GUCD1: variants seen among roughly 807,000 people sequenced by gnomAD.
GUCD1 encodes the protein guanylyl cyclase domain containing 1.
A neutral mutation model predicts 28.3 loss-of-function variants in GUCD1; 17 were observed. The observed-to-expected ratio is 0.60, with a 90% CI of 0.41 to 0.90. The LOEUF (loss-of-function observed/expected upper bound fraction) is 0.90, where lower values mean the gene tolerates loss of function less well. Ranked by LOEUF, GUCD1 falls within the 40% of genes least tolerant of loss-of-function variation. The pLI is 0.00. For synonymous variants in GUCD1, 129 were observed against 123.3 expected (o/e 1.05, Z -0.30); for missense variants, 279 against 305.5 (o/e 0.91, Z 0.65).
intron 4 of GUCD1, among the ~76,000 whole-genome samples, chr22:24,546,413 G>C (rs552604264): frequency 6.6e-6 from 1 of 152,328 alleles, no homozygotes; most frequent in South Asian, 2.1e-4. Context: ...GCCCAGAAAA[G>C]AATGTGACCC....
chr22:24,555,864 C>T (rs1373263053), upstream of GUCD1: 10 of 1,525,668 alleles, frequency 6.6e-6, no homozygotes, highest in Non-Finnish European at 7.0e-6. Context: ...CGTACTGGTG[C>T]CCTAGTTTCC....
At chr22:24,547,066 T>G in intron 3 of GUCD1, 61 bp from the exon 4 acceptor site, 2 of 1,297,254 alleles carry the variant, frequency 1.5e-6, no homozygotes, top group Non-Finnish European at 2.2e-6. Flanking sequence ...TCCATTTAGA[T>G]GAAGGAAATA....
chr22:24,544,342 T>C (rs1161736800), intron 4 of GUCD1, among the ~76,000 whole-genome samples: 1 of 151,854 alleles, frequency 6.6e-6, no homozygotes, highest in African/African-American at 2.4e-5. Flanking sequence ...GGGGAGAGCA[T>C]TCAGCTCCAG....
chr22:24,546,554 A>G (rs1158721514), intron 4 of GUCD1, among the ~76,000 whole-genome samples: 1 of 152,154 alleles, frequency 6.6e-6, no homozygotes, highest in African/African-American at 2.4e-5. Context: ...TCCCTTGTCA[A>G]TCACTGCACC....
chr22:24,548,276 C>T lies in GUCD1; in HGVS notation c.129-203G>A, dbSNP rs527947503. ...CTGGCTCCAGAGTTGCAGGCCTGGA[C>T]TCTGCTTCTCAAATCTATTGTGTCT... On this transcript the variant is annotated intron_variant, in intron 2 of 5. Transcript: ENST00000435822. 1.8e-3 allele frequency among the ~76,000 whole-genome samples: 273 copies of T among 152,352 alleles called. 2 individuals carry two copies. Among genetic ancestry groups the T allele is most frequent in the African/African-American group, 6.3e-3 (263 of 41,576 alleles).
chr22:24,555,581 C>A (rs1219651442), upstream of GUCD1: 1 of 1,546,880 alleles, frequency 6.5e-7, no homozygotes, highest in Admixed American at 2.0e-5. Context: ...TTTATCCGTA[C>A]CAGATACCTA....
At chr22:24,554,684 C>G (rs1382215030) in intron 1 of GUCD1, among the ~76,000 whole-genome samples, 7 of 152,258 alleles carry the variant, frequency 4.6e-5, no homozygotes, top group Non-Finnish European at 5.9e-5. Flanking sequence ...TCCACGGTTT[C>G]CCAAGGCATG....
intron 1 of GUCD1, among the ~76,000 whole-genome samples, chr22:24,549,489 G>A (rs1424796203): frequency 6.6e-6 from 1 of 152,064 alleles, no homozygotes; most frequent in Non-Finnish European, 1.5e-5. Flanking sequence ...TTCTTTTGGT[G>A]GGAGCTCTGA....
rs940850425 is a variant in GUCD1 at position 24,541,259 on chromosome 22, T to G, written c.*1747A>C. On this transcript the variant is annotated 3_prime_UTR_variant, in exon 6 of 6. Coordinates refer to ENST00000435822, the MANE Select transcript of GUCD1 (RefSeq NM_001284254.2). ...CCACCTCTGCCCCCAGAGTCATCTG[T>G]GCTCCAAAGCAATGGGCGGGGGCAC... 2.0e-5 allele frequency: 3 copies of G among 153,398 alleles called. No individual in the cohort carries two copies. The highest frequency in any genetic ancestry group is 7.2e-5 in the African/African-American group (3 of 41,472). 9.5% of individuals were successfully genotyped at this position (153,398 alleles called of 1,614,324 possible). A position where few individuals can be genotyped will look rare whatever the true frequency, so the allele number is the denominator to read the frequency against.
chr22:24,543,843 G>C lies in GUCD1; in HGVS notation c.627C>G (p.Asp209Glu). The C allele has an allele frequency of 6.2e-7, 1 of 1,613,816 alleles. No homozygotes were observed. Among genetic ancestry groups the C allele is most frequent in the East Asian group, 2.2e-5 (1 of 44,860 alleles). The stretch of plus-strand genomic sequence containing the variant: ...TCACCCACCCCACCCAGCACTCACG[G>C]TCGGCATAGGCTGGGTTGTTGTAGA... ...CIFYNNPAYA[D>E]RMCSTSISNF... The change falls in exon 5 of 6, where the codon GAC becomes GAG. Residue 209 changes from aspartate (D) to glutamate (E), a missense_variant and splice_region_variant. Physicochemically the swap from Asp to Glu is conservative, Grantham distance 45. Coordinates refer to ENST00000435822, the MANE Select transcript of GUCD1 (RefSeq NM_001284254.2).
intron 1 of GUCD1, among the ~76,000 whole-genome samples, chr22:24,549,799 C>T (rs2044825203): frequency 6.6e-6 from 1 of 152,160 alleles, no homozygotes; most frequent in Admixed American, 6.5e-5. Flanking sequence ...GGATTACAGG[C>T]GTGAGCCATT....
In GUCD1 at chr22:24,541,825, T is replaced by C. The variant is rs2044601018; in HGVS notation, c.*1181A>G. The C allele has an allele frequency of 6.6e-6, 1 of 152,232 alleles. No homozygotes were observed. The highest frequency in any genetic ancestry group is 1.5e-5 in the Non-Finnish European group (1 of 68,056). 9.4% of individuals were successfully genotyped at this position (152,232 alleles called of 1,614,324 possible). ...TCTCTGAAAAAGAACTTGAGCTGGC[T>C]AACTGCCCTGTGCAGAGGTGTTAGT... On this transcript the variant is annotated 3_prime_UTR_variant, in exon 6 of 6. Transcript: ENST00000435822.
upstream of GUCD1, chr22:24,555,470 C>T (rs1014563642): frequency 9.2e-5 from 109 of 1,180,292 alleles, no homozygotes; most frequent in Middle Eastern, 9.9e-4. Flanking sequence ...TAGGTGTAAG[C>T]CCTGATCCCG....
At chr22:24,547,177 C>A in intron 3 of GUCD1, 172 bp from the exon 4 acceptor site, 1 of 603,434 alleles carries the variant, frequency 1.7e-6, no homozygotes, top group Non-Finnish European at 3.0e-6. Context: ...GCTGTCTGTC[C>A]TAAGCAGGAG....
intron 2 of GUCD1, 46 bp from the exon 3 acceptor site, chr22:24,548,119 A>G: frequency 1.3e-6 from 2 of 1,561,920 alleles, no homozygotes; most frequent in South Asian, 1.1e-5. Context: ...TTGAGGGTCA[A>G]CTGGTCTGAG....
chr22:24,555,609 C>G, upstream of GUCD1: 1 of 1,550,636 alleles, frequency 6.4e-7, no homozygotes, highest in Non-Finnish European at 8.7e-7. Flanking sequence ...TCAGGGCCCC[C>G]CTTACCTGGC....
chr22:24,555,605 C>T (rs985420907), upstream of GUCD1: 35 of 1,549,530 alleles, frequency 2.3e-5, no homozygotes, highest in Admixed American at 5.9e-5. Flanking sequence ...TCACTCAGGG[C>T]CCCCCTTACC....
In GUCD1 at chr22:24,554,948, C is replaced by T; in HGVS notation, c.43+1G>A. ...GACTGGGCCCACAGAGAGGCACTGA[C>T]CGGGCTCGAGCGGCGGCCCCGCTGC... On this transcript the variant is annotated splice_donor_variant, in intron 1 of 5. Transcript: ENST00000435822. LOFTEE classifies it high-confidence loss of function. The T allele has an allele frequency of 6.3e-7, 1 of 1,575,756 alleles. No individual in the cohort carries two copies. The highest frequency in any genetic ancestry group is 8.6e-7 in the Non-Finnish European group (1 of 1,162,892).
intron 1 of GUCD1, among the ~76,000 whole-genome samples, chr22:24,550,857 C>G (rs1363740797): frequency 1.3e-5 from 2 of 152,220 alleles, no homozygotes; most frequent in African/African-American, 4.8e-5. Flanking sequence ...CTCATCTGTA[C>G]TTCTCTGGGC....
Sources: allele counts gnomAD v4.1 joint callset (sites outside exome capture counted in the v4.1 genomes callset), GRCh38; gene constraint gnomAD v4.1.1; transcripts MANE v1.5; gene names NCBI Gene and HGNC (gene_info 2026-07-23, HGNC 2026-07-21).